Variants in WNK2 observed in about 807,000 individuals in gnomAD.
WNK2 encodes the protein serine/threonine-protein kinase WNK2.
Under a neutral mutation model 192.1 loss-of-function variants are expected in WNK2, and 67 were observed. The ratio of observed to expected loss-of-function variants is 0.35; its 90% confidence interval spans 0.29 to 0.43. The LOEUF is 0.43. Among genes scored for constraint, WNK2 ranks in the 20% least tolerant of loss-of-function variants. The pLI, the probability that WNK2 is intolerant of heterozygous loss-of-function variation, is 1.00. For missense variants in WNK2, 2,698 were observed against 3,089.7 expected (o/e 0.87, Z 3.01); for synonymous variants, 1,439 against 1,393.9 (o/e 1.03, Z -0.72).
chr9:93,272,866 A>G (rs1846220525), intron 19 of WNK2, among the ~76,000 whole-genome samples: 1 of 152,210 alleles, frequency 6.6e-6, no homozygotes, highest in African/African-American at 2.4e-5. Flanking sequence ...TAATCTAAGC[A>G]TACTGATAAT....
At chr9:93,189,683 G>C (rs1400823705) in intron 2 of WNK2, among the ~76,000 whole-genome samples, 3 of 152,232 alleles carry the variant, frequency 2.0e-5, no homozygotes. Context: ...CCAGCCGCTG[G>C]CAGCCCCGCC....
chr9:93,184,854 T>C (rs1182701678), intron 1 of WNK2, 74 bp from the exon 2 acceptor site: 4 of 1,176,482 alleles, frequency 3.4e-6, no homozygotes, highest in Middle Eastern at 3.3e-4. Context: ...TAGGGCGGCG[T>C]TGTCTCATCC....
intron 8 of WNK2, among the ~76,000 whole-genome samples, chr9:93,248,655 T>C (rs1429194479): frequency 6.6e-6 from 1 of 152,194 alleles, no homozygotes; most frequent in African/African-American, 2.4e-5. Flanking sequence ...CTTTTGTACA[T>C]TTTCAGTAGG....
Position 93,292,978 on chromosome 9 carries a change from A to C in WNK2, c.5513A>C (p.Lys1838Thr), listed in dbSNP as rs747113401. ...GGCAGCGTGGCTGGCGACTTCGTGA[A>C]GAAGGCCACCGCCTTCCTGCAGAGG... ...VSGSVAGDFV[K>T]KATAFLQRPS... The change falls in exon 23 of 30, where the codon AAG (lysine) becomes ACG (threonine). Residue 1838 changes from lysine to threonine, a missense_variant. This residue lies in a region of WNK2 where 1,098 missense variants were observed against 1,101.0 expected (regional missense o/e 1.00). Coordinates refer to ENST00000427277, the MANE Select transcript of WNK2 (RefSeq NM_006648.4). 13 of 1,547,064 alleles carry C rather than the reference A, an allele frequency of 8.4e-6. No homozygotes were observed. Among genetic ancestry groups the C allele is most frequent in the Admixed American group, 2.0e-5 (1 of 49,436 alleles).
rs374773480 is a variant in WNK2, at chr9:93,293,322, C to CTT, written c.5708+165_5708+166dup. 575 of 421,822 alleles carry CTT rather than the reference C, an allele frequency of 1.4e-3. 1 individual carries two copies. Among genetic ancestry groups the CTT allele is most frequent in the African/African-American group, 5.4e-3 (232 of 43,286 alleles). 26.1% of individuals were successfully genotyped at this position (421,822 alleles called of 1,614,324 possible). A position where few individuals can be genotyped will look rare whatever the true frequency, so the allele number is the denominator to read the frequency against. On this transcript the variant is annotated intron_variant, in intron 23 of 29. Transcript: ENST00000427277. ...AGCAGGGACAGGGGAGTGATGAAGG[C>CTT]TTTTTTTTTTTTTTTTTGAGACAGT...
intron 24 of WNK2, 115 bp downstream of exon 24, chr9:93,298,182 TTA>T: frequency 1.8e-6 from 2 of 1,130,008 alleles, no homozygotes; most frequent in Non-Finnish European, 2.5e-6. Flanking sequence ...CCACTCGGGG[TTA>T]TCTCCTTACT....
In WNK2 at chr9:93,293,028, C is replaced by T; in HGVS notation, c.5563C>T (p.Pro1855Ser). The change falls in exon 23 of 30, where the codon CCC becomes TCC. Residue 1855 changes from proline (P) to serine (S), a missense_variant. Physicochemically the swap from Pro to Ser is moderately conservative, Grantham distance 74. Transcript: ENST00000427277. ...GCCTTCTCGGGCCGGCTCGCTGGGCCCCGAGACACCCAGCAGGGTGGGCAT... is the reference window on the plus strand; with the variant it reads ...GCCTTCTCGGGCCGGCTCGCTGGGCTCCGAGACACCCAGCAGGGTGGGCAT... ...QRPSRAGSLGPETPSRVGMKV... is the reference protein window; with the variant it reads ...QRPSRAGSLGSETPSRVGMKV... The T allele has an allele frequency of 1.2e-6, 2 of 1,605,190 alleles. No homozygotes were observed. Among genetic ancestry groups the T allele is most frequent in the Non-Finnish European group, 1.7e-6 (2 of 1,176,194 alleles).
rs141554117 is a variant in WNK2 at position 93,289,045 on chromosome 9, G to A, written c.4291G>A (p.Glu1431Lys). 14 of 1,604,700 alleles carry A rather than the reference G, an allele frequency of 8.7e-6. No homozygotes were observed. The East Asian group carries it at 1.8e-4, about 21-fold the overall frequency. ...ACCTCAGGGGCTGACCAGTGAGCTC[G>A]AGACGTCTCAGCCACTAGCGGAGAC... is the stretch of plus-strand genomic sequence containing the variant. ...GTPQGLTSELETSQPLAETHE... is the reference protein window; with the variant it reads ...GTPQGLTSELKTSQPLAETHE... The change falls in exon 20 of 30, where the codon GAG becomes AAG. Residue 1431 changes from glutamate (E) to lysine (K), a missense_variant. Physicochemically the swap from Glu to Lys is moderately conservative, Grantham distance 56. Coordinates refer to ENST00000427277, the MANE Select transcript of WNK2 (RefSeq NM_006648.4).
chr9:93,268,723 C>T lies in WNK2; in HGVS notation c.4010C>T (p.Ser1337Phe), dbSNP rs760269476. ...TCTTCGCCCCCACTTCCTCTAAGCT[C>T]CCTGCCGCCAGAAGCCAGCCAAGGT... is the stretch of plus-strand genomic sequence containing the variant. ...PESSPPLPLS[S>F]LPPEASQDSA... The change falls in exon 19 of 30, where the codon TCC becomes TTC. Residue 1337 changes from serine to phenylalanine, a missense_variant. By Grantham distance (155) the Ser-to-Phe change is radical (BLOSUM62 -2). This residue lies in a region of WNK2 where 1,098 missense variants were observed against 1,101.0 expected (regional missense o/e 1.00). Transcript: ENST00000427277. 5 of 1,613,016 alleles carry T rather than the reference C, an allele frequency of 3.1e-6. No individual in the cohort carries two copies. The highest frequency in any genetic ancestry group is 1.1e-5 in the South Asian group (1 of 90,930).
At chr9:93,192,182 C>T (rs1050176148) in intron 2 of WNK2, among the ~76,000 whole-genome samples, 3 of 151,980 alleles carry the variant, frequency 2.0e-5, no homozygotes, top group Non-Finnish European at 4.4e-5. Flanking sequence ...GGCGTGGTGG[C>T]AGGCACCTGT....
At position 93,264,046 on chromosome 9, in the gene WNK2, C is replaced by A. The variant is rs1410039555; in HGVS notation, c.3696+13C>A. 6.2e-7 allele frequency: 1 copy of A among 1,602,268 alleles called. No homozygotes were observed. Among genetic ancestry groups the A allele is most frequent in the East Asian group, 2.2e-5 (1 of 44,616 alleles). On this transcript the variant is annotated intron_variant, in intron 16 of 29. Coordinates refer to ENST00000427277, the MANE Select transcript of WNK2 (RefSeq NM_006648.4). The stretch of plus-strand genomic sequence containing the variant: ...TGCCACGTATATGGTGAGGCTGGGT[C>A]TGGGTGGCTTGGCTCCCGGTGTTTC...
At position 93,267,773 on chromosome 9, in the gene WNK2, G is replaced by A. The variant is rs1413873680; in HGVS notation, c.3724G>A (p.Glu1242Lys). 1 of 1,607,272 alleles carries A rather than the reference G, an allele frequency of 6.2e-7. No individual in the cohort carries two copies. Residue 1242 changes from glutamate (E) to lysine (K), a missense_variant, in exon 17 of 30, where the codon GAG (glutamate) becomes AAG (lysine). By Grantham distance (56) the Glu-to-Lys change is moderately conservative. Transcript: ENST00000427277. ...GGAGCATGACTTTATCCTGCAGGCCGAGCGGGAAACGTTCATCGAGCAGAT... is the reference window on the plus strand; with the variant it reads ...GGAGCATGACTTTATCCTGCAGGCCAAGCGGGAAACGTTCATCGAGCAGAT... The part of the protein sequence containing the change: ...MVEHDFILQA[E>K]RETFIEQMKD...
chr9:93,223,967 G>T (rs868095704), intron 2 of WNK2, among the ~76,000 whole-genome samples: 1 of 152,214 alleles, frequency 6.6e-6, no homozygotes, highest in African/African-American at 2.4e-5. Flanking sequence ...CCTTGGTTAG[G>T]CCTGAGCTCT....
At chr9:93,261,000 G>T (rs1444726329) in intron 12 of WNK2, among the ~76,000 whole-genome samples, 5 of 152,284 alleles carry the variant, frequency 3.3e-5, no homozygotes, top group East Asian at 1.9e-4. Flanking sequence ...CTGCTGTTTG[G>T]CTGGGGAAGG....
chr9:93,307,098 G>A (rs1346206254), intron 27 of WNK2: 12 of 520,200 alleles, frequency 2.3e-5, no homozygotes, highest in East Asian at 1.0e-4. Flanking sequence ...GCAAATTGCC[G>A]ATCATTAATT....
intron 26 of WNK2, 60 bp from the exon 27 acceptor site, chr9:93,306,717 C>T (rs889342502): frequency 6.2e-7 from 1 of 1,602,260 alleles, no homozygotes; most frequent in African/African-American, 1.3e-5. Context: ...GGTAGCGTGT[C>T]CCAGTGTGTG....
intron 2 of WNK2, among the ~76,000 whole-genome samples, chr9:93,191,513 G>A (rs542756396): frequency 6.6e-6 from 1 of 152,184 alleles, no homozygotes; most frequent in South Asian, 2.1e-4. Flanking sequence ...GAGGAGGGGC[G>A]GGAGTGGAGT....
chr9:93,297,964 A>AC lies in WNK2; in HGVS notation c.5826dup (p.Thr1943HisfsTer37). On this transcript the variant is annotated frameshift_variant, in exon 24 of 30. Coordinates refer to ENST00000427277, the MANE Select transcript of WNK2 (RefSeq NM_006648.4). LOFTEE classifies it high-confidence loss of function. ...CCAACGTGGGCTTCTTCCACACGGC[A>AC]CCCCCCACTGGCCGCCGGAGAAAAA... The AC allele has an allele frequency of 1.3e-6, 2 of 1,575,090 alleles. No homozygotes were observed. The highest frequency in any genetic ancestry group is 8.6e-7 in the Non-Finnish European group (1 of 1,161,778).
chr9:93,229,045 A>C lies in WNK2; in HGVS notation c.682-651A>C, dbSNP rs538023991. 1.2e-4 allele frequency among the ~76,000 whole-genome samples: 19 copies of C among 152,124 alleles called. No individual in the cohort carries two copies. Among genetic ancestry groups the C allele is most frequent in the African/African-American group, 4.3e-4 (18 of 41,496 alleles). ...ACCTGACCAGGGTTCCCGGGTGATG[A>C]TGGTGGCGTTTGTTTGCTGTTTTCT... On this transcript the variant is annotated intron_variant, in intron 2 of 29. Coordinates refer to ENST00000427277, the MANE Select transcript of WNK2 (RefSeq NM_006648.4). This position sits in a 1 kb window ranked among gnomAD's most constrained non-coding sequence, Gnocchi z 4.9.
Sources: gnomAD v4.1 joint callset for allele counts (sites outside exome capture counted in the v4.1 genomes callset) on GRCh38, gnomAD v4.1.1 for gene constraint, gnomAD v4.1.1 regional missense constraint, Gnocchi (gnomAD v3.1) non-coding constraint, MANE v1.5 for transcripts, NCBI Gene and HGNC (gene_info 2026-07-23, HGNC 2026-07-21) for gene names.